Variants in PTPRD observed in about 807,000 individuals in gnomAD.
The protein encoded by PTPRD is protein tyrosine phosphatase receptor type D.
In PTPRD, 34 loss-of-function variants were observed where a neutral mutation model predicts 214.5. That is an observed-to-expected ratio of 0.16 (90% CI 0.12 to 0.21). PTPRD has a LOEUF of 0.21. PTPRD is among the 10% of genes least tolerant of loss of function. The pLI is 1.00. For synonymous variants in PTPRD, 1,128 were observed against 845.7 expected (o/e 1.33, Z -5.79); for missense variants, 2,545 against 2,398.7 (o/e 1.06, Z -1.27).
intron 5 of PTPRD, among the ~76,000 whole-genome samples, chr9:9,778,882 A>G (rs1345034949): frequency 1.3e-5 from 2 of 152,094 alleles, no homozygotes; most frequent in East Asian, 3.9e-4. Flanking sequence ...ATGGAACCAT[A>G]AAGAACCCCA....
intron 9 of PTPRD, among the ~76,000 whole-genome samples, chr9:9,277,281 T>A (rs908410028): frequency 9.9e-5 from 15 of 151,410 alleles, no homozygotes. Flanking sequence ...TATGGTTGTG[T>A]CTTAAAATGC....
At chr9:10,302,517 C>G (rs544037516) in intron 3 of PTPRD, among the ~76,000 whole-genome samples, 1 of 152,136 alleles carries the variant, frequency 6.6e-6, no homozygotes, top group African/African-American at 2.4e-5. Flanking sequence ...ATTCGGGAGA[C>G]CCATCTCACG....
At chr9:8,339,882 G>A (rs373732063) in intron 42 of PTPRD, among the ~76,000 whole-genome samples, 2 of 151,664 alleles carry the variant, frequency 1.3e-5, no homozygotes, top group African/African-American at 2.4e-5. Flanking sequence ...GGGATTACCA[G>A]GTTATATCCT....
At chr9:9,078,385 T>G (rs1438836753) in intron 10 of PTPRD, among the ~76,000 whole-genome samples, 1 of 152,058 alleles carries the variant, frequency 6.6e-6, no homozygotes. Flanking sequence ...CTTTCCAGAA[T>G]TTTGCAGTAA....
intron 2 of PTPRD, among the ~76,000 whole-genome samples, chr9:10,342,671 T>C (rs1246937396): frequency 6.6e-6 from 1 of 152,126 alleles, no homozygotes. Flanking sequence ...TTCTATTCCA[T>C]GTGGTGTTTT....
intron 14 of PTPRD, among the ~76,000 whole-genome samples, chr9:8,571,034 A>G (rs1564425855): frequency 6.6e-6 from 1 of 151,946 alleles, no homozygotes; most frequent in South Asian, 2.1e-4. Context: ...AAGCTCTCAC[A>G]TGGCTTCCAC....
intron 9 of PTPRD, among the ~76,000 whole-genome samples, chr9:9,274,945 A>G (rs761549003): frequency 9.0e-5 from 13 of 144,412 alleles, no homozygotes; most frequent in Admixed American, 2.2e-4. Context: ...TTTAATAAAC[A>G]TGAAAAAAGT....
chr9:10,229,042 C>A (rs1236088027), intron 3 of PTPRD, among the ~76,000 whole-genome samples: 1 of 151,858 alleles, frequency 6.6e-6, no homozygotes, highest in East Asian at 2.0e-4. Flanking sequence ...CAACAACAAC[C>A]AGTTGTAAGC....
chr9:8,919,063 C>A (rs1417047181), intron 11 of PTPRD, among the ~76,000 whole-genome samples: 1 of 152,114 alleles, frequency 6.6e-6, no homozygotes, highest in East Asian at 1.9e-4. Context: ...TTATTATGCT[C>A]TTCTCTATAA....
At position 10,569,939 on chromosome 9, in the gene PTPRD, T is replaced by C. The variant is rs780253797; in HGVS notation, c.-600+42459A>G. Among the ~76,000 whole-genome samples, 5 of 152,154 alleles carry C rather than the reference T, an allele frequency of 3.3e-5. No individual in the cohort carries two copies. In the South Asian group the frequency reaches 6.2e-4, roughly 19 times the overall value. On this transcript the variant is annotated intron_variant, in intron 2 of 45. Coordinates refer to ENST00000381196, the MANE Select transcript of PTPRD (RefSeq NM_002839.4). ...ATTAGATATACTCAATGTCTTGCTC[T>C]GAATGTGTTTTTTATGATATATAAT...
intron 10 of PTPRD, 49 bp from the exon 11 acceptor site, chr9:9,018,784 A>G (rs2099547067): frequency 6.6e-6 from 1 of 152,212 alleles, no homozygotes; most frequent in South Asian, 2.1e-4. Context: ...AAACGATGCT[A>G]TTAAAATACT....
At chr9:9,806,893 C>T (rs1007124633) in intron 5 of PTPRD, among the ~76,000 whole-genome samples, 1 of 152,120 alleles carries the variant, frequency 6.6e-6, no homozygotes, top group Non-Finnish European at 1.5e-5. Flanking sequence ...AGTAAACACA[C>T]TGCACTTGTG....
At chr9:10,361,025 A>G (rs143353008) in intron 2 of PTPRD, among the ~76,000 whole-genome samples, 1 of 151,990 alleles carries the variant, frequency 6.6e-6, no homozygotes, top group Non-Finnish European at 1.5e-5. Context: ...TGGCGTGAAC[A>G]CGGGAGGCGG....
chr9:8,992,618 T>C (rs948637913), intron 11 of PTPRD, among the ~76,000 whole-genome samples: 3 of 152,180 alleles, frequency 2.0e-5, no homozygotes, highest in Non-Finnish European at 2.9e-5. Flanking sequence ...TCGATTACTA[T>C]AAAATAATAT....
chr9:9,652,106 G>A (rs771937272), intron 7 of PTPRD, among the ~76,000 whole-genome samples: 12 of 151,966 alleles, frequency 7.9e-5, no homozygotes, highest in East Asian at 1.9e-4. Flanking sequence ...CTCCCAAAGC[G>A]CTGGGATTTA....
intron 8 of PTPRD, among the ~76,000 whole-genome samples, chr9:9,571,831 A>T (rs556060512): frequency 1.4e-4 from 21 of 151,334 alleles, no homozygotes; most frequent in African/African-American, 4.6e-4. Context: ...ATTTTATAAT[A>T]AAACATTAAA....
At chr9:9,933,565 C>T (rs2087757810) in intron 5 of PTPRD, among the ~76,000 whole-genome samples, 1 of 151,590 alleles carries the variant, frequency 6.6e-6, no homozygotes, top group African/African-American at 2.5e-5. Context: ...CAGGAGCACC[C>T]AGATTCATAA....
intron 10 of PTPRD, among the ~76,000 whole-genome samples, chr9:9,019,260 C>T (rs927690474): frequency 1.0e-5 from 1 of 99,600 alleles, no homozygotes; most frequent in Non-Finnish European, 2.0e-5. Context: ...ATAATGTTAT[C>T]AAGAAAGAAA....
At chr9:8,888,816 CACAG>C (rs1298582116) in intron 11 of PTPRD, among the ~76,000 whole-genome samples, 2 of 152,146 alleles carry the variant, frequency 1.3e-5, no homozygotes, top group African/African-American at 4.8e-5. Flanking sequence ...GTGGAGAGAA[CACAG>C]ACTTTGGAGT....
Sources: allele counts gnomAD v4.1 joint callset (sites outside exome capture counted in the v4.1 genomes callset), GRCh38; gene constraint gnomAD v4.1.1; transcripts MANE v1.5; gene names NCBI Gene and HGNC (gene_info 2026-07-23, HGNC 2026-07-21).